KIR2DL4: variants seen among roughly 807,000 people sequenced by gnomAD.
The protein encoded by KIR2DL4 is killer cell immunoglobulin-like receptor 2DL4.
KIR2DL4 carries 41 observed loss-of-function variants against 31.0 expected under a neutral mutation model. The ratio of observed to expected loss-of-function variants is 1.32; its 90% confidence interval spans 1.03 to 1.72. The LOEUF (loss-of-function observed/expected upper bound fraction) is 1.72, where lower values mean the gene tolerates loss of function less well. Among genes scored for constraint, KIR2DL4 ranks in the 40% most tolerant of loss-of-function variants. KIR2DL4 has a pLI of 0.00. For missense variants in KIR2DL4, 438 were observed against 353.7 expected, an observed-to-expected ratio of 1.24 and a Z score of -1.91; for synonymous variants, 164 against 133.6, an observed-to-expected ratio of 1.23 and a Z score of -1.57.
At chr19:54,811,363 A>C (rs2060857107) in intron 5 of KIR2DL4, among the ~76,000 whole-genome samples, 1 of 151,312 alleles carries the variant, frequency 6.6e-6, no homozygotes, top group Admixed American at 6.6e-5. Context: ...GCGTCATTGC[A>C]CTGCACCCTA....
exon 6 of KIR2DL4, chr19:54,813,165 G>A: frequency 1.3e-6 from 2 of 1,533,318 alleles, no homozygotes; most frequent in African/African-American, 1.6e-5. Flanking sequence ...GGTACTCAGT[G>A]GCCATCATCC....
intron 5 of KIR2DL4, chr19:54,813,052 C>A: frequency 1.6e-6 from 2 of 1,217,688 alleles, no homozygotes; most frequent in Admixed American, 2.2e-5. Flanking sequence ...GCCTGGCAAC[C>A]AAGAAATGAG....
intron 6 of KIR2DL4, chr19:54,813,266 C>T: frequency 6.3e-7 from 1 of 1,599,144 alleles, no homozygotes; most frequent in Non-Finnish European, 8.5e-7. Flanking sequence ...AACTCAGGGC[C>T]CTGTGCGGAA....
exon 8 of KIR2DL4, chr19:54,813,990 C>T: frequency 6.2e-7 from 1 of 1,612,036 alleles, no homozygotes; most frequent in Middle Eastern, 1.7e-4. Context: ...AATGCTGAGC[C>T]CAGAGCGTTG....
In KIR2DL4 at chr19:54,812,753, C is replaced by T. The variant is rs1412718154; in HGVS notation, c.707-372C>T. Among the ~76,000 whole-genome samples, 88 of 146,590 alleles carry T rather than the reference C, an allele frequency of 6.0e-4. 5 individuals carry two copies. The highest frequency in any genetic ancestry group is 2.0e-3 in the African/African-American group (78 of 38,178). On this transcript the variant is annotated intron_variant, in intron 5 of 7. Transcript: ENST00000359085. ...CAAGCTCTTTTTAAGAATCAACTCT[C>T]CAGGGTACTAATAGAGGGAGAACTT...
chr19:54,804,815 C>T (rs1312045295), exon 3 of KIR2DL4: 23 of 1,612,010 alleles, frequency 1.4e-5, no homozygotes, highest in Non-Finnish European at 1.9e-5. Context: ...AGCCCTTCTG[C>T]TCTGCCTGGC....
intron 5 of KIR2DL4, among the ~76,000 whole-genome samples, chr19:54,811,987 G>C (rs1329573573): frequency 4.0e-5 from 6 of 151,294 alleles, no homozygotes; most frequent in Non-Finnish European, 7.4e-5. Flanking sequence ...CACTTATGTT[G>C]ATTTCAATGT....
chr19:54,814,167 C>G lies in KIR2DL4; in HGVS notation c.*367C>G, dbSNP rs1441759418. On this transcript the variant is annotated 3_prime_UTR_variant, in exon 8 of 8. Transcript: ENST00000359085. ...CTTCCTCACACCACAAATCTGGTGC[C>G]TGTCTCTTGCTTACCAATGTCTAAG... 6 of 1,575,926 alleles carry G rather than the reference C, an allele frequency of 3.8e-6. No homozygotes were observed. In the African/African-American group the frequency reaches 5.5e-5, roughly 14 times the overall value.
At chr19:54,808,145 G>T (rs78585875) in intron 4 of KIR2DL4, among the ~76,000 whole-genome samples, 48,902 of 147,120 alleles carry the variant, frequency 0.33, 9,541 homozygotes, top group African/African-American at 0.5. Context: ...TCTGTGGGTT[G>T]TCTCTTCTTC....
intron 6 of KIR2DL4, 77 bp from the exon 6 acceptor site, chr19:54,813,613 G>C: frequency 6.9e-7 from 1 of 1,459,310 alleles, no homozygotes; most frequent in Non-Finnish European, 9.6e-7. Flanking sequence ...GCCTCCCCCT[G>C]TGTGTTGGTA....
exon 3 of KIR2DL4, chr19:54,805,061 G>A: frequency 1.9e-6 from 3 of 1,605,836 alleles, no homozygotes; most frequent in Non-Finnish European, 2.5e-6. Context: ...GCAACCCCCT[G>A]GTGATCATGG....
At chr19:54,810,076 A>G (rs1471959391) in intron 5 of KIR2DL4, among the ~76,000 whole-genome samples, 2 of 149,626 alleles carry the variant, frequency 1.3e-5, no homozygotes, top group African/African-American at 5.0e-5. Flanking sequence ...GGACCAATAA[A>G]TGAATGATCC....
intron 5 of KIR2DL4, 96 bp downstream of exon 5, chr19:54,808,979 T>C: frequency 4.1e-6 from 4 of 983,116 alleles, no homozygotes; most frequent in Admixed American, 3.4e-5. Flanking sequence ...AGCTCTGTGA[T>C]TGTGGGCCTG....
intron 5 of KIR2DL4, among the ~76,000 whole-genome samples, chr19:54,809,326 T>TAAGAGA (rs1218091812): frequency 4.0e-5 from 6 of 150,680 alleles, no homozygotes; most frequent in African/African-American, 1.5e-4. Context: ...AGCTTTGCGG[T>TAAGAGA]AAGAGAGAAC....
intron 5 of KIR2DL4, among the ~76,000 whole-genome samples, chr19:54,810,243 C>T (rs2060779227): frequency 6.6e-6 from 1 of 150,482 alleles, no homozygotes; most frequent in Admixed American, 6.6e-5. Context: ...CTCAGCTTCC[C>T]GAGAGGCTGG....
intron 5 of KIR2DL4, among the ~76,000 whole-genome samples, chr19:54,809,830 T>C (rs2060749891): frequency 6.6e-6 from 1 of 151,334 alleles, no homozygotes; most frequent in South Asian, 2.1e-4. Flanking sequence ...TCATCTAGGA[T>C]ACCCTCCTTT....
rs1345655089 is a variant in KIR2DL4, at chr19:54,805,907, A to C, written c.362-44A>C. Reference sequence around the variant, plus strand: ...CAGCTCAGGTGGGAGGGGAGCTGTGACAAGGAAGAACCTCCCTGAGGAAAC... The same window carrying C: ...CAGCTCAGGTGGGAGGGGAGCTGTGCCAAGGAAGAACCTCCCTGAGGAAAC... On this transcript the variant is annotated intron_variant, in intron 3 of 7. Transcript: ENST00000359085. The C allele has an allele frequency of 1.0e-5, 16 of 1,535,766 alleles. 1 individual carries two copies. The highest frequency in any genetic ancestry group is 1.4e-5 in the Non-Finnish European group (16 of 1,134,390).
At chr19:54,807,007 C>A (rs1197596654) in intron 4 of KIR2DL4, among the ~76,000 whole-genome samples, 1 of 139,862 alleles carries the variant, frequency 7.1e-6, no homozygotes, top group Non-Finnish European at 1.5e-5. Context: ...CAGAGAGACT[C>A]TGTCTCTAAA....
intron 5 of KIR2DL4, among the ~76,000 whole-genome samples, chr19:54,812,821 G>T (rs2060941739): frequency 7.4e-6 from 1 of 134,370 alleles, no homozygotes. Context: ...TATTCATGAT[G>T]GATCCACCCC....
Sources: allele counts gnomAD v4.1 joint callset (sites outside exome capture counted in the v4.1 genomes callset), GRCh38; gene constraint gnomAD v4.1.1; transcripts MANE v1.5; gene names NCBI Gene and HGNC (gene_info 2026-07-23, HGNC 2026-07-21).